ADGRV1: variants seen among roughly 807,000 people sequenced by gnomAD.
The protein encoded by ADGRV1 is adhesion G protein-coupled receptor V1, also known as G-protein coupled receptor 98.
ADGRV1 carries 359 observed loss-of-function variants against 596.2 expected under a neutral mutation model. The ratio of observed to expected loss-of-function variants is 0.60; its 90% CI spans 0.55 to 0.66. The LOEUF (loss-of-function observed/expected upper bound fraction) is 0.66. Ranked by LOEUF, ADGRV1 falls within the 30% of genes least tolerant of loss-of-function variation. The probability of loss-of-function intolerance (pLI) is 0.00; values close to 1 mark genes in which losing one functional copy is unlikely to be tolerated. For missense variants in ADGRV1, 7,274 were observed against 7,575.6 expected (o/e 0.96, Z 1.48); for synonymous variants, 2,681 against 2,679.2 (o/e 1.00, Z -0.02).
At chr5:90,769,006 T>C (rs1245159381) in intron 59 of ADGRV1, among the ~76,000 whole-genome samples, 1 of 152,166 alleles carries the variant, frequency 6.6e-6, no homozygotes, top group Non-Finnish European at 1.5e-5. Flanking sequence ...AGAATGATGG[T>C]GAGTTTTATA....
At chr5:91,035,431 AT>A (rs1784785551) in intron 85 of ADGRV1, among the ~76,000 whole-genome samples, 1 of 151,962 alleles carries the variant, frequency 6.6e-6, no homozygotes, top group African/African-American at 2.4e-5. Context: ...TCCCCAATAT[AT>A]TTTTTAGAAT....
At chr5:91,028,364 A>G (rs961020781) in intron 85 of ADGRV1, among the ~76,000 whole-genome samples, 1 of 152,106 alleles carries the variant, frequency 6.6e-6, no homozygotes, top group African/African-American at 2.4e-5. Context: ...GCATTTACCA[A>G]TATCTGCCTC....
At chr5:90,567,739 C>CT (rs555309403) in intron 1 of ADGRV1, among the ~76,000 whole-genome samples, 286 of 142,020 alleles carry the variant, frequency 2.0e-3, no homozygotes, top group African/African-American at 2.3e-3. Flanking sequence ...GTTTTGTTAT[C>CT]TTTTTTTTTT....
intron 85 of ADGRV1, among the ~76,000 whole-genome samples, chr5:90,985,840 T>C (rs1189888394): frequency 6.6e-6 from 1 of 152,030 alleles, no homozygotes; most frequent in Non-Finnish European, 1.5e-5. Flanking sequence ...ATAAAGAATT[T>C]GTGAAAACAG....
chr5:91,117,801 G>T (rs914142596), intron 87 of ADGRV1, among the ~76,000 whole-genome samples: 1 of 152,090 alleles, frequency 6.6e-6, no homozygotes, highest in African/African-American at 2.4e-5. Flanking sequence ...CTTACTCTGG[G>T]TATCATTGGG....
chr5:90,851,134 T>TGTGTGTGTGTGTGTGAGAGAGAGAGAGA (rs757909771), intron 79 of ADGRV1, among the ~76,000 whole-genome samples: 193 of 81,412 alleles, frequency 2.4e-3, no homozygotes, highest in Non-Finnish European at 3.8e-3. Context: ...TGTGTGTGTG[T>TGTGTGTGTGTGTGTGAGAGAGAGAGAGA]GAGAGAGAGA....
intron 1 of ADGRV1, among the ~76,000 whole-genome samples, chr5:90,614,432 T>A (rs13167846): frequency 0.071 from 10,754 of 152,156 alleles, 441 homozygotes; most frequent in Non-Finnish European, 0.093. Flanking sequence ...GCTTCAACTG[T>A]TTCAGTTTTG....
chr5:90,747,185 G>T (rs890233315), intron 52 of ADGRV1, among the ~76,000 whole-genome samples: 1 of 152,140 alleles, frequency 6.6e-6, no homozygotes, highest in Admixed American at 6.5e-5. Flanking sequence ...AATATCTGGG[G>T]TAGGAACATT....
chr5:90,975,012 C>A (rs1161765245), intron 84 of ADGRV1, among the ~76,000 whole-genome samples: 1 of 115,628 alleles, frequency 8.6e-6, no homozygotes, highest in Admixed American at 8.3e-5. Flanking sequence ...AAGAAAAAAA[C>A]AAACAACCCC....
chr5:90,628,336 C>T (rs151110355), intron 7 of ADGRV1, among the ~76,000 whole-genome samples: 4 of 152,236 alleles, frequency 2.6e-5, no homozygotes, highest in African/African-American at 9.6e-5. Flanking sequence ...TGCCTGAGTC[C>T]ATGAAGTTGA....
intron 1 of ADGRV1, among the ~76,000 whole-genome samples, chr5:90,587,129 C>T (rs543490001): frequency 2.0e-5 from 3 of 152,096 alleles, no homozygotes; most frequent in African/African-American, 2.4e-5. Context: ...ATATATTCCA[C>T]GTGTTTCAAA....
intron 85 of ADGRV1, among the ~76,000 whole-genome samples, chr5:91,033,698 G>A (rs1484091792): frequency 6.6e-6 from 1 of 152,084 alleles, no homozygotes; most frequent in Admixed American, 6.5e-5. Flanking sequence ...CTATTACCCA[G>A]TGTGACATTT....
At chr5:90,719,691 GTTTT>G (rs1750658336) in intron 43 of ADGRV1, among the ~76,000 whole-genome samples, 1 of 152,212 alleles carries the variant, frequency 6.6e-6, no homozygotes, top group Non-Finnish European at 1.5e-5. Context: ...GACTACAAAT[GTTTT>G]TTTAACAGTG....
chr5:90,650,343 AC>A (rs1249169419), intron 17 of ADGRV1, among the ~76,000 whole-genome samples: 6 of 152,104 alleles, frequency 3.9e-5, no homozygotes, highest in Admixed American at 3.9e-4. Flanking sequence ...TGATAATAGA[AC>A]CCTGCCAAAA....
Position 91,010,616 on chromosome 5 carries a change from A to G in ADGRV1, c.18152+25094A>G, listed in dbSNP as rs537068959. On this transcript the variant is annotated intron_variant, in intron 85 of 89. Coordinates refer to ENST00000405460, the MANE Select transcript of ADGRV1 (RefSeq NM_032119.4). ...GAGTACTTTAAATGACAGTCACCCCATAATACAAAGAAATTTTGTCTGATT... is the reference window on the plus strand; with the variant it reads ...GAGTACTTTAAATGACAGTCACCCCGTAATACAAAGAAATTTTGTCTGATT... 1.2e-4 allele frequency among the ~76,000 whole-genome samples: 18 copies of G among 152,202 alleles called. No individual in the cohort carries two copies. The East Asian group carries it at 2.7e-3, about 23-fold the overall frequency.
intron 59 of ADGRV1, among the ~76,000 whole-genome samples, chr5:90,770,649 T>A (rs1757593204): frequency 6.6e-6 from 1 of 152,118 alleles, no homozygotes; most frequent in South Asian, 2.1e-4. Flanking sequence ...CTTTCCTACA[T>A]CTTTGTTTTA....
intron 70 of ADGRV1, among the ~76,000 whole-genome samples, chr5:90,796,311 A>C (rs578060554): frequency 2.7e-3 from 415 of 152,306 alleles, no homozygotes; most frequent in African/African-American, 9.5e-3. Flanking sequence ...AAAACACAGC[A>C]CAAGAACTTC....
chr5:90,979,379 A>G (rs35094765), intron 84 of ADGRV1, among the ~76,000 whole-genome samples: 5,789 of 152,180 alleles, frequency 0.038, 166 homozygotes, highest in Non-Finnish European at 0.06. Context: ...TATGTTGCCC[A>G]GGCTGATCTG....
At chr5:90,756,032 T>G (rs1407335339) in intron 55 of ADGRV1, among the ~76,000 whole-genome samples, 1 of 151,618 alleles carries the variant, frequency 6.6e-6, no homozygotes, top group Non-Finnish European at 1.5e-5. Context: ...AAAAACAAAG[T>G]AAGAAATTTT....
Sources: gnomAD v4.1 joint callset for allele counts (sites outside exome capture counted in the v4.1 genomes callset) on GRCh38, gnomAD v4.1.1 for gene constraint, MANE v1.5 for transcripts, NCBI Gene and HGNC (gene_info 2026-07-23, HGNC 2026-07-21) for gene names.